The following LSM14A variants were observed in gnomAD, a reference collection of about 807,000 sequenced individuals.
LSM14A encodes LSM14A mRNA processing body assembly factor.
A neutral mutation model predicts 52.4 loss-of-function variants in LSM14A; 14 were observed. The observed-to-expected ratio is 0.27, with a 90% CI of 0.18 to 0.42. The LOEUF (loss-of-function observed/expected upper bound fraction) is 0.42. LSM14A is among the 10% of genes least tolerant of loss of function. LSM14A has a pLI of 1.00. For synonymous variants in LSM14A, 185 were observed against 200.3 expected (o/e 0.92, Z 0.64); for missense variants, 417 against 581.8 (o/e 0.72, Z 2.91).
chr19:34,196,234 T>C (rs886065488), intron 2 of LSM14A, among the ~76,000 whole-genome samples: 4 of 152,190 alleles, frequency 2.6e-5, no homozygotes, highest in African/African-American at 9.7e-5. Flanking sequence ...CCTCAAATGA[T>C]TGAAAATAAG....
chr19:34,196,874 G>A (rs1042426432), intron 3 of LSM14A, 111 bp downstream of exon 3: 1 of 942,480 alleles, frequency 1.1e-6, no homozygotes, highest in African/African-American at 1.7e-5. Context: ...TGTTCCTTTT[G>A]TAACTTTGTT....
intron 1 of LSM14A, among the ~76,000 whole-genome samples, chr19:34,190,711 T>C (rs1046062062): frequency 5.3e-5 from 8 of 152,176 alleles, no homozygotes; most frequent in Non-Finnish European, 1.0e-4. Context: ...CTTTGTAACT[T>C]TGTAGTCTTT....
chr19:34,192,319 G>GTTGTT (rs60512063), intron 1 of LSM14A, among the ~76,000 whole-genome samples: 6 of 53,412 alleles, frequency 1.1e-4, no homozygotes, highest in African/African-American at 4.0e-4. Context: ...TCTTTTTGTT[G>GTTGTT]TTTTTTTTTT....
intron 3 of LSM14A, among the ~76,000 whole-genome samples, chr19:34,203,215 A>G (rs1474023918): frequency 6.8e-6 from 1 of 147,112 alleles, no homozygotes; most frequent in African/African-American, 2.4e-5. Flanking sequence ...GTGAAGAAAC[A>G]TGGAGCAATT....
At chr19:34,195,751 C>T (rs2070789556) in intron 2 of LSM14A, among the ~76,000 whole-genome samples, 1 of 152,206 alleles carries the variant, frequency 6.6e-6, no homozygotes, top group South Asian at 2.1e-4. Flanking sequence ...ACTGGAGTTA[C>T]CTTACTGTCT....
intron 1 of LSM14A, among the ~76,000 whole-genome samples, chr19:34,190,342 AT>A (rs963342681): frequency 2.0e-5 from 3 of 152,066 alleles, no homozygotes; most frequent in African/African-American, 4.8e-5. Flanking sequence ...AATCATTCTT[AT>A]TCTGTGATTT....
At chr19:34,204,251 CTA>C (rs2071519415) in intron 3 of LSM14A, among the ~76,000 whole-genome samples, 1 of 152,096 alleles carries the variant, frequency 6.6e-6, no homozygotes, top group African/African-American at 2.4e-5. Flanking sequence ...ATAAGTCACA[CTA>C]AATTCCAAAA....
At chr19:34,187,214 A>C (rs960781459) in intron 1 of LSM14A, among the ~76,000 whole-genome samples, 2 of 150,048 alleles carry the variant, frequency 1.3e-5, no homozygotes, top group South Asian at 4.2e-4. Flanking sequence ...GCGCCACTGC[A>C]CTCCAGCCTA....
intron 9 of LSM14A, 92 bp from the exon 10 acceptor site, chr19:34,227,273 T>G: frequency 1.2e-6 from 1 of 842,014 alleles, no homozygotes; most frequent in Admixed American, 2.6e-5. Flanking sequence ...GGAGTATATT[T>G]AAAGATAATT....
In LSM14A at chr19:34,227,786, A is replaced by AG. The variant is rs2073418160; in HGVS notation, c.*398_*399insG. 1 of 153,190 alleles carries AG rather than the reference A, an allele frequency of 6.5e-6. No individual in the cohort carries two copies. Among genetic ancestry groups the AG allele is most frequent in the Non-Finnish European group, 1.3e-5 (1 of 75,130 alleles). The allele number at this position is 153,190 out of a possible 1,614,324, so 9.5% of individuals were successfully genotyped here. On this transcript the variant is annotated 3_prime_UTR_variant, in exon 10 of 10. Coordinates refer to ENST00000544216, the MANE Select transcript of LSM14A (RefSeq NM_015578.4). ...CGTGATACTGTGTTTTGAGCCACAGAAGGTTGTGTGTGTGTGTGTGTGTGT... is the reference window on the plus strand; with the variant it reads ...CGTGATACTGTGTTTTGAGCCACAGAGAGGTTGTGTGTGTGTGTGTGTGTGT...
chr19:34,221,081 CTTTT>C (rs34608536), intron 8 of LSM14A, among the ~76,000 whole-genome samples: 1 of 124,844 alleles, frequency 8.0e-6, no homozygotes. Flanking sequence ...AGATAAGATG[CTTTT>C]TTTTTTTTTT....
chr19:34,215,034 A>G (rs2072471250), intron 4 of LSM14A, 90 bp from the exon 5 acceptor site: 8 of 1,019,460 alleles, frequency 7.8e-6, no homozygotes, highest in Non-Finnish European at 1.1e-5. Context: ...TTGAATTGAT[A>G]GAAATAAAAC....
intron 3 of LSM14A, among the ~76,000 whole-genome samples, chr19:34,199,031 G>A (rs8101828): frequency 0.6 from 91,079 of 151,936 alleles, 28,076 homozygotes; most frequent in African/African-American, 0.68. Flanking sequence ...AATAATTCAG[G>A]TAACTTTTAC....
chr19:34,199,087 A>C (rs1306825906), intron 3 of LSM14A, among the ~76,000 whole-genome samples: 2 of 152,176 alleles, frequency 1.3e-5, no homozygotes, highest in Non-Finnish European at 2.9e-5. Flanking sequence ...CTACTAAGAA[A>C]ACTTGACTTT....
chr19:34,218,226 G>C (rs377595809), intron 6 of LSM14A, among the ~76,000 whole-genome samples: 1 of 151,954 alleles, frequency 6.6e-6, no homozygotes, highest in Non-Finnish European at 1.5e-5. Flanking sequence ...GGCTGGTCTC[G>C]AGCTCCTGAC....
At chr19:34,217,434 AAAAT>A (rs2072703347) in intron 6 of LSM14A, among the ~76,000 whole-genome samples, 2 of 151,568 alleles carry the variant, frequency 1.3e-5, no homozygotes, top group Admixed American at 6.6e-5. Context: ...TTATTAATGG[AAAAT>A]AAATTATAAT....
intron 4 of LSM14A, among the ~76,000 whole-genome samples, chr19:34,210,184 C>G (rs1325546975): frequency 6.6e-6 from 1 of 151,992 alleles, no homozygotes; most frequent in Admixed American, 6.6e-5. Flanking sequence ...GGTAAAAATT[C>G]AATGCTAAAC....
chr19:34,204,490 T>C (rs1282024787), intron 3 of LSM14A, among the ~76,000 whole-genome samples: 1 of 150,332 alleles, frequency 6.7e-6, no homozygotes, highest in African/African-American at 2.5e-5. Flanking sequence ...GGTGGGAGGA[T>C]CACTTGAGGC....
At chr19:34,207,174 G>T (rs181005020) in intron 3 of LSM14A, among the ~76,000 whole-genome samples, 239 of 152,206 alleles carry the variant, frequency 1.6e-3, no homozygotes, top group Non-Finnish European at 2.1e-3. Context: ...AGCGAGGGGG[G>T]TGTGGCACGA....
Sources: gnomAD v4.1 joint callset for allele counts (sites outside exome capture counted in the v4.1 genomes callset) on GRCh38, gnomAD v4.1.1 for gene constraint, MANE v1.5 for transcripts, NCBI Gene and HGNC (gene_info 2026-07-23, HGNC 2026-07-21) for gene names.